Variants in PPP1R14C observed in about 807,000 individuals in gnomAD.
PPP1R14C encodes the protein protein phosphatase 1 regulatory subunit 14C.
A neutral mutation model predicts 20.4 loss-of-function variants in PPP1R14C; 16 were observed. The ratio of observed to expected loss-of-function variants is 0.78; its 90% confidence interval spans 0.53 to 1.19. PPP1R14C has a LOEUF of 1.19. Among genes scored for constraint, PPP1R14C ranks in the 50% most tolerant of loss-of-function variants. The pLI, the probability that PPP1R14C is intolerant of heterozygous loss-of-function variation, is 0.00. For synonymous variants in PPP1R14C, 91 were observed against 91.0 expected (o/e 1.00, Z 0.00); for missense variants, 211 against 220.1 (o/e 0.96, Z 0.26).
chr6:150,198,303 T>C (rs13212689), intron 1 of PPP1R14C, among the ~76,000 whole-genome samples: 5,728 of 63,890 alleles, frequency 0.09, 277 homozygotes, highest in Middle Eastern at 0.12. Flanking sequence ...CTGGCCGCCA[T>C]GGTGGAGGAG....
chr6:150,247,125 C>T (rs146214607), intron 3 of PPP1R14C, among the ~76,000 whole-genome samples: 44 of 152,108 alleles, frequency 2.9e-4, no homozygotes, highest in African/African-American at 9.6e-4. Flanking sequence ...TGCTTTATAG[C>T]CAGAGAGTAG....
intron 1 of PPP1R14C, among the ~76,000 whole-genome samples, chr6:150,160,672 A>G (rs1357536788): frequency 6.6e-6 from 1 of 151,872 alleles, no homozygotes; most frequent in Non-Finnish European, 1.5e-5. Context: ...CTTCTTCCTC[A>G]TTGGTTTATT....
At chr6:150,160,146 A>G (rs1777348309) in intron 1 of PPP1R14C, among the ~76,000 whole-genome samples, 1 of 150,986 alleles carries the variant, frequency 6.6e-6, no homozygotes, top group South Asian at 2.1e-4. Flanking sequence ...GTTGATATTC[A>G]CCTTGAGCAC....
chr6:150,204,990 CAG>C (rs1222259927), intron 1 of PPP1R14C, among the ~76,000 whole-genome samples: 5 of 124,892 alleles, frequency 4.0e-5, no homozygotes, highest in Non-Finnish European at 8.6e-5. Context: ...TGCTCCAACT[CAG>C]AGTCTTTTTT....
At chr6:150,227,185 A>G (rs1778240310) in intron 3 of PPP1R14C, among the ~76,000 whole-genome samples, 1 of 152,240 alleles carries the variant, frequency 6.6e-6, no homozygotes, top group Admixed American at 6.5e-5. Context: ...AGTGGTATTT[A>G]CAATACAGGA....
At chr6:150,197,888 G>C (rs1777826701) in intron 1 of PPP1R14C, among the ~76,000 whole-genome samples, 1 of 128,064 alleles carries the variant, frequency 7.8e-6, no homozygotes, top group South Asian at 2.5e-4. Flanking sequence ...GGAGGGCCTG[G>C]ATGCCCAGCT....
intron 3 of PPP1R14C, among the ~76,000 whole-genome samples, chr6:150,234,842 C>G (rs1405427113): frequency 2.2e-5 from 2 of 92,312 alleles, no homozygotes; most frequent in African/African-American, 5.2e-5. Flanking sequence ...AAGTGAGACT[C>G]TGTCTCAAAA....
chr6:150,242,404 G>C (rs1220488191), intron 3 of PPP1R14C, among the ~76,000 whole-genome samples: 1 of 86,534 alleles, frequency 1.2e-5, no homozygotes, highest in African/African-American at 6.6e-5. Flanking sequence ...AGGAATGCAA[G>C]ATTAGTTTAA....
chr6:150,143,558 G>C lies in PPP1R14C; in HGVS notation c.306+60G>C. The C allele has an allele frequency of 7.9e-7, 1 of 1,261,502 alleles. No homozygotes were observed. Among genetic ancestry groups the C allele is most frequent in the Non-Finnish European group, 1.1e-6 (1 of 914,064 alleles). 78.1% of individuals were successfully genotyped at this position (1,261,502 alleles called of 1,614,324 possible). ...TCTCTAGCTCCTCTGTGCCCGCGCA[G>C]TAATTTTCCCGGGCTCCAGCTCCGG... On this transcript the variant is annotated intron_variant, in intron 1 of 3. Coordinates refer to ENST00000361131, the MANE Select transcript of PPP1R14C (RefSeq NM_030949.3). This position sits in a 1 kb window ranked among gnomAD's most constrained non-coding sequence, Gnocchi z 5.6.
intron 1 of PPP1R14C, among the ~76,000 whole-genome samples, chr6:150,209,611 AGTG>A (rs1469015350): frequency 1.4e-5 from 2 of 141,738 alleles, no homozygotes; most frequent in Non-Finnish European, 3.1e-5. Context: ...TATGCATGTG[AGTG>A]GTGTGGAGTG....
intron 1 of PPP1R14C, among the ~76,000 whole-genome samples, chr6:150,203,647 T>G (rs1476439293): frequency 6.6e-6 from 1 of 152,170 alleles, no homozygotes. Context: ...CAACCCCGAA[T>G]GCCTCAGTCA....
chr6:150,191,929 G>T (rs1423493503), intron 1 of PPP1R14C, among the ~76,000 whole-genome samples: 1 of 152,184 alleles, frequency 6.6e-6, no homozygotes, highest in Non-Finnish European at 1.5e-5. Context: ...TGTAGATAGG[G>T]AAAGAAGAGG....
intron 3 of PPP1R14C, among the ~76,000 whole-genome samples, chr6:150,245,265 A>G (rs1270993766): frequency 6.6e-6 from 1 of 152,136 alleles, no homozygotes; most frequent in Non-Finnish European, 1.5e-5. Flanking sequence ...TGCCTGGAGT[A>G]CTGCTGTAGC....
At chr6:150,217,412 T>C (rs61546051) in intron 3 of PPP1R14C, among the ~76,000 whole-genome samples, 2,068 of 152,170 alleles carry the variant, frequency 0.014, 48 homozygotes, top group African/African-American at 0.047. Flanking sequence ...GCCAGGCTGG[T>C]CTCAAACTCC....
intron 1 of PPP1R14C, among the ~76,000 whole-genome samples, chr6:150,150,633 G>T (rs1021215935): frequency 2.6e-5 from 4 of 152,096 alleles, no homozygotes; most frequent in African/African-American, 9.7e-5. Flanking sequence ...TTACTTTGTA[G>T]TGCATGCTCT....
At chr6:150,191,377 T>G (rs1222615779) in intron 1 of PPP1R14C, among the ~76,000 whole-genome samples, 5 of 152,250 alleles carry the variant, frequency 3.3e-5, no homozygotes, top group Admixed American at 3.3e-4. Flanking sequence ...GAACAATGCC[T>G]GGCATATAGC....
At chr6:150,196,239 A>G (rs1774257101) in intron 1 of PPP1R14C, 4 of 520,346 alleles carry the variant, frequency 7.7e-6, no homozygotes, top group Non-Finnish European at 9.9e-6. Context: ...GCAACAATAA[A>G]TCTTCAGCCC....
intron 1 of PPP1R14C, among the ~76,000 whole-genome samples, chr6:150,171,398 T>C (rs1777497695): frequency 6.6e-6 from 1 of 152,236 alleles, no homozygotes; most frequent in African/African-American, 2.4e-5. Context: ...AACAACAATC[T>C]AACTCTTTTA....
At chr6:150,203,036 T>C (rs1438383006) in intron 1 of PPP1R14C, among the ~76,000 whole-genome samples, 2 of 152,234 alleles carry the variant, frequency 1.3e-5, no homozygotes, top group Non-Finnish European at 2.9e-5. Flanking sequence ...ACATTATTAT[T>C]AGCTAAAGCT....
Sources: allele counts gnomAD v4.1 joint callset (sites outside exome capture counted in the v4.1 genomes callset), GRCh38; gene constraint gnomAD v4.1.1; non-coding constraint Gnocchi (gnomAD v3.1); transcripts MANE v1.5; gene names NCBI Gene and HGNC (gene_info 2026-07-23, HGNC 2026-07-21).